HLTF: variants seen among roughly 807,000 people sequenced by gnomAD.
HLTF encodes the protein DNA-dependent ATPase/E3 ubiquitin-protein ligase HLTF.
Under a neutral mutation model 129.4 loss-of-function variants are expected in HLTF, and 127 were observed. That is an observed-to-expected ratio of 0.98 (90% CI 0.85 to 1.14). The LOEUF (loss-of-function observed/expected upper bound fraction) is 1.14, where lower values mean the gene tolerates loss of function less well. Among genes scored for constraint, HLTF ranks in the 50% most tolerant of loss-of-function variants. The pLI, the probability that HLTF is intolerant of heterozygous loss-of-function variation, is 0.00. For missense variants in HLTF, 1,139 were observed against 1,187.1 expected, an observed-to-expected ratio of 0.96 and a Z score of 0.60; for synonymous variants, 332 against 388.8, an observed-to-expected ratio of 0.85 and a Z score of 1.72.
intron 2 of HLTF, among the ~76,000 whole-genome samples, chr3:149,081,422 C>A (rs1341843261): frequency 6.6e-6 from 1 of 151,880 alleles, no homozygotes; most frequent in Non-Finnish European, 1.5e-5. Flanking sequence ...AAATTAAGTG[C>A]TCAAATCGCA....
chr3:149,032,265 C>G lies in HLTF; in HGVS notation c.2985G>C (p.Met995Ile). 6.3e-7 allele frequency: 1 copy of G among 1,598,854 alleles called. No individual in the cohort carries two copies. Among genetic ancestry groups the G allele is most frequent in the Non-Finnish European group, 8.5e-7 (1 of 1,174,806 alleles). Residue 995 changes from methionine to isoleucine, a missense_variant, in exon 25 of 25, where the codon ATG becomes ATC. Physicochemically the swap from Met to Ile is conservative, Grantham distance 10 (BLOSUM62 1). Transcript: ENST00000310053. ...FGTKKPNADEMKQAKINEIRT... is the reference protein window; with the variant it reads ...FGTKKPNADEIKQAKINEIRT... ...TGATTTCATTAATTTTGGCTTGTTT[C>G]ATTTCGTCAGCATTTGGTTTTTTAG...
intron 23 of HLTF, among the ~76,000 whole-genome samples, chr3:149,038,657 C>T (rs1215898652): frequency 1.3e-5 from 2 of 152,130 alleles, no homozygotes; most frequent in African/African-American, 2.4e-5. Context: ...CAAGCACAAA[C>T]CACTACACCA....
chr3:149,075,309 G>A (rs1000313368), intron 3 of HLTF, among the ~76,000 whole-genome samples: 1 of 152,198 alleles, frequency 6.6e-6, no homozygotes, highest in Non-Finnish European at 1.5e-5. Context: ...AGCATTTTGG[G>A]AGGCCGAGGC....
intron 23 of HLTF, among the ~76,000 whole-genome samples, chr3:149,036,535 C>T (rs1268909903): frequency 2.6e-5 from 4 of 152,054 alleles, no homozygotes; most frequent in Non-Finnish European, 5.9e-5. Context: ...GATCCGCCCA[C>T]CTCGGCCTCC....
At position 149,046,233 on chromosome 3, in the gene HLTF, A is replaced by G; in HGVS notation, c.1919T>C (p.Ile640Thr). The change falls in exon 18 of 25, where the codon ATT (isoleucine) becomes ACT (threonine). Residue 640 changes from isoleucine to threonine, a missense_variant. Physicochemically the swap from Ile to Thr is moderately conservative, Grantham distance 89. Coordinates refer to ENST00000310053, the MANE Select transcript of HLTF (RefSeq NM_003071.4). ...LRRLQSLIKN[I>T]TLRRTKTSKI... is the part of the protein sequence containing the mutation. ...GCTTGTCTTTGTTCTTCTAAGTGTA[A>G]TATTTTTAATTAGGGACTGTAAACG... 2 of 1,583,366 alleles carry G rather than the reference A, an allele frequency of 1.3e-6. No homozygotes were observed. The highest frequency in any genetic ancestry group is 1.7e-6 in the Non-Finnish European group (2 of 1,158,474).
Position 149,057,283 on chromosome 3 carries a change from G to A in HLTF, c.1376-1883C>T, listed in dbSNP as rs562265583. ...CTATTAAAAATACAAAAAATTAGCC[G>A]GGCATGGTGGCAGGCGCCTGTAGTC... On this transcript the variant is annotated intron_variant, in intron 13 of 24. Transcript: ENST00000310053. Among the ~76,000 whole-genome samples the A allele has an allele frequency of 5.3e-5, 8 of 151,772 alleles. No individual in the cohort carries two copies. The East Asian group carries it at 5.8e-4, about 11-fold the overall frequency.
chr3:149,037,467 CAAA>C (rs71135657), intron 23 of HLTF, among the ~76,000 whole-genome samples: 12 of 99,570 alleles, frequency 1.2e-4, no homozygotes, highest in Admixed American at 2.2e-4. Flanking sequence ...GACTCTGTCT[CAAA>C]AAAAAAAAAA....
intron 2 of HLTF, among the ~76,000 whole-genome samples, chr3:149,080,779 A>C (rs1719798104): frequency 6.6e-6 from 1 of 152,170 alleles, no homozygotes. Context: ...GAGACTATAA[A>C]AACAAAAACA....
intron 13 of HLTF, among the ~76,000 whole-genome samples, chr3:149,057,107 CAAAAAAAAAA>C (rs56809507): frequency 3.4e-3 from 93 of 27,742 alleles, no homozygotes; most frequent in Admixed American, 8.3e-3. Flanking sequence ...GACTCCGTCT[CAAAAAAAAAA>C]AAAAAAAAAA....
At chr3:149,068,440 A>AT (rs1227554519) in intron 7 of HLTF, 105 bp from the exon 8 acceptor site, 8 of 581,814 alleles carry the variant, frequency 1.4e-5, no homozygotes, top group Non-Finnish European at 1.8e-5. Context: ...ATATCATTCA[A>AT]GGTCACAAAA....
chr3:149,040,468 AC>A (rs1716033528), intron 20 of HLTF, among the ~76,000 whole-genome samples: 1 of 152,074 alleles, frequency 6.6e-6, no homozygotes, highest in Non-Finnish European at 1.5e-5. Context: ...AATTTATTGA[AC>A]CTAAATACAA....
intron 15 of HLTF, among the ~76,000 whole-genome samples, chr3:149,049,245 C>A (rs554036722): frequency 6.6e-6 from 1 of 152,194 alleles, no homozygotes; most frequent in Admixed American, 6.5e-5. Flanking sequence ...ACCCAAAGCA[C>A]CACAGGTGGC....
chr3:149,059,843 A>G (rs1165285222), intron 12 of HLTF, 36 bp from the exon 13 acceptor site: 1 of 1,351,154 alleles, frequency 7.4e-7, no homozygotes, highest in Admixed American at 1.8e-5. Flanking sequence ...ATTTTTTTCA[A>G]ATTATCTCCT....
chr3:149,058,346 C>T (rs1423237302), intron 13 of HLTF, among the ~76,000 whole-genome samples: 3 of 151,898 alleles, frequency 2.0e-5, no homozygotes, highest in African/African-American at 7.2e-5. Flanking sequence ...GCATGTGCCA[C>T]CATGCCTGCT....
chr3:149,051,970 A>T (rs368896251), intron 14 of HLTF: 3 of 152,160 alleles, frequency 2.0e-5, no homozygotes, highest in Non-Finnish European at 4.4e-5. Flanking sequence ...CCTGATCAAC[A>T]TGGTGAAACC....
In HLTF at chr3:149,063,286, T is replaced by C. The variant is rs1331930247; in HGVS notation, c.1160+145A>G. ...TGTGTTAGCCAGGATGGTCTCAATC[T>C]CCTGACCTCATGATCCGCCCGCCTC... On this transcript the variant is annotated intron_variant, in intron 10 of 24. Transcript: ENST00000310053. The C allele has an allele frequency of 1.4e-5, 8 of 563,236 alleles. No homozygotes were observed. In the Admixed American group the frequency reaches 1.5e-4, roughly 11 times the overall value. The allele number at this position is 563,236 out of a possible 1,614,324, so 34.9% of individuals were successfully genotyped here.
intron 2 of HLTF, 54 bp from the exon 3 acceptor site, chr3:149,076,101 T>C: frequency 1.5e-6 from 1 of 662,762 alleles, no homozygotes; most frequent in Non-Finnish European, 2.4e-6. Context: ...GACAATAACT[T>C]TGTTATACTT....
chr3:149,067,946 C>A (rs1439216030), intron 8 of HLTF, among the ~76,000 whole-genome samples: 2 of 152,112 alleles, frequency 1.3e-5, no homozygotes, highest in Admixed American at 1.3e-4. Flanking sequence ...GAGTTCGAGA[C>A]CAGCCTGGAC....
At chr3:149,035,101 A>G (rs890579210) in intron 23 of HLTF, 103 bp from the exon 24 acceptor site, 1 of 880,838 alleles carries the variant, frequency 1.1e-6, no homozygotes, top group Admixed American at 2.0e-5. Context: ...TTTCTGACTG[A>G]AAGTTTTCTG....
Sources: gnomAD v4.1 joint callset for allele counts (sites outside exome capture counted in the v4.1 genomes callset) on GRCh38, gnomAD v4.1.1 for gene constraint, MANE v1.5 for transcripts, NCBI Gene and HGNC (gene_info 2026-07-23, HGNC 2026-07-21) for gene names.